ACBD5: variants seen among roughly 807,000 people sequenced by gnomAD.
ACBD5 encodes acyl-CoA binding domain containing 5.
A neutral mutation model predicts 71.8 loss-of-function variants in ACBD5; 40 were observed. That is an observed-to-expected ratio of 0.56 (90% CI 0.43 to 0.72). The LOEUF (loss-of-function observed/expected upper bound fraction) is 0.72. Ranked by LOEUF, ACBD5 falls within the 30% of genes least tolerant of loss-of-function variation. The pLI is 0.00. For synonymous variants in ACBD5, 229 were observed against 218.6 expected (o/e 1.05, Z -0.42); for missense variants, 559 against 644.5 (o/e 0.87, Z 1.44).
At chr10:27,189,180 T>C (rs918310278) in intron 13 of ACBD5, among the ~76,000 whole-genome samples, 1 of 152,234 alleles carries the variant, frequency 6.6e-6, no homozygotes, top group Non-Finnish European at 1.5e-5. Flanking sequence ...CTTGGAAGCC[T>C]AAAACCACTT....
chr10:27,196,199 T>TAA lies in ACBD5; in HGVS notation c.*1229_*1230dup. 1 of 421,952 alleles carries TAA rather than the reference T, an allele frequency of 2.4e-6. No individual in the cohort carries two copies. The allele number at this position is 421,952 out of a possible 1,614,324, so 26.1% of individuals were successfully genotyped here. ...TGGGCAACAAGAGAGAAACTCCATT[T>TAA]AAAAAAAAAAATTATTTGTTACAAA... On this transcript the variant is annotated 3_prime_UTR_variant, in exon 13 of 13. Coordinates refer to ENST00000396271, the MANE Select transcript of ACBD5 (RefSeq NM_145698.5).
chr10:27,215,212 T>C (rs1427197882), intron 8 of ACBD5, among the ~76,000 whole-genome samples: 2 of 152,026 alleles, frequency 1.3e-5, no homozygotes, highest in Non-Finnish European at 2.9e-5. Context: ...TTCCTGAACA[T>C]TAATAAATGT....
chr10:27,235,606 GAA>G (rs2064557923), intron 2 of ACBD5, among the ~76,000 whole-genome samples: 1 of 152,170 alleles, frequency 6.6e-6, no homozygotes, highest in South Asian at 2.1e-4. Flanking sequence ...TAGTGTAAGT[GAA>G]AAAGTTATAT....
chr10:27,214,253 AC>A (rs2061400842), intron 8 of ACBD5, among the ~76,000 whole-genome samples: 1 of 152,224 alleles, frequency 6.6e-6, no homozygotes, highest in Admixed American at 6.6e-5. Flanking sequence ...TGTTTGGAAC[AC>A]AAAGAAATGA....
rs1231515504 is a variant in ACBD5 at position 27,240,690 on chromosome 10, T to C, written c.-2A>G. The C allele has an allele frequency of 1.9e-6, 3 of 1,550,050 alleles. No homozygotes were observed. Among genetic ancestry groups the C allele is most frequent in the Non-Finnish European group, 2.6e-6 (3 of 1,146,858 alleles). ...ACAACTCACCGAGAGGAAGAGCATGTCTAGCAGAAGACAGAGGGGGTCCGG... is the reference window on the plus strand; with the variant it reads ...ACAACTCACCGAGAGGAAGAGCATGCCTAGCAGAAGACAGAGGGGGTCCGG... On this transcript the variant is annotated 5_prime_UTR_variant, in exon 1 of 13. Transcript: ENST00000396271. This position sits in a 1 kb window ranked among gnomAD's most constrained non-coding sequence, Gnocchi z 4.1.
chr10:27,220,188 A>G (rs2062162706), intron 5 of ACBD5, among the ~76,000 whole-genome samples: 1 of 152,190 alleles, frequency 6.6e-6, no homozygotes, highest in South Asian at 2.1e-4. Flanking sequence ...ATATGCTAGG[A>G]TGCTGAAAAC....
rs567803008 is a variant in ACBD5 at position 27,228,964 on chromosome 10, G to A, written c.375+2784C>T. ...CTCCCGAGTAGCTGGGATTACAGGC[G>A]TATGCCACTACGCCAGGCTAATTTT... On this transcript the variant is annotated intron_variant, in intron 4 of 12. Coordinates refer to ENST00000396271, the MANE Select transcript of ACBD5 (RefSeq NM_145698.5). Among the ~76,000 whole-genome samples the A allele has an allele frequency of 3.3e-5, 5 of 149,966 alleles. 1 individual carries two copies. Among genetic ancestry groups the A allele is most frequent in the African/African-American group, 9.7e-5 (4 of 41,110 alleles).
At chr10:27,224,192 C>T (rs2062721184) in intron 4 of ACBD5, among the ~76,000 whole-genome samples, 1 of 141,390 alleles carries the variant, frequency 7.1e-6, no homozygotes, top group South Asian at 2.4e-4. Flanking sequence ...ATAGTAAGGG[C>T]CCATTTCTAC....
intron 3 of ACBD5, among the ~76,000 whole-genome samples, chr10:27,233,769 G>C (rs1052769205): frequency 2.0e-5 from 3 of 152,144 alleles, no homozygotes; most frequent in East Asian, 1.9e-4. Flanking sequence ...GGGCGGGAGC[G>C]GGGGGTGGCT....
intron 6 of ACBD5, among the ~76,000 whole-genome samples, chr10:27,218,402 G>C (rs1171215564): frequency 6.6e-6 from 1 of 152,136 alleles, no homozygotes. Context: ...TCAGTTCCCT[G>C]TCAATCTTCT....
At position 27,223,322 on chromosome 10, in the gene ACBD5, G is replaced by T; in HGVS notation, c.490+16C>A. The T allele has an allele frequency of 6.4e-7, 1 of 1,562,452 alleles. No individual in the cohort carries two copies. The highest frequency in any genetic ancestry group is 8.8e-7 in the Non-Finnish European group (1 of 1,133,024). On this transcript the variant is annotated intron_variant, in intron 5 of 12. Coordinates refer to ENST00000396271, the MANE Select transcript of ACBD5 (RefSeq NM_145698.5). Reference sequence around the variant, plus strand: ...ATATCAGTTGATGAATTTAAAAATAGGTAAAATAGTCCAACCTGAGGTTAT... The same window carrying T: ...ATATCAGTTGATGAATTTAAAAATATGTAAAATAGTCCAACCTGAGGTTAT...
At position 27,219,750 on chromosome 10, in the gene ACBD5, C is replaced by T; in HGVS notation, c.598G>A (p.Val200Met). 1 of 1,614,066 alleles carries T rather than the reference C, an allele frequency of 6.2e-7. No homozygotes were observed. Among genetic ancestry groups the T allele is most frequent in the African/African-American group, 1.3e-5 (1 of 75,056 alleles). ...ESEEEEAQEE[V>M]KGAEQSDNDK... ...TTATCACTTTGTTCTGCTCCTTTCA[C>T]TTCTTCTTGGGCCTCTTCTTCCTCA... is the stretch of plus-strand genomic sequence containing the variant. Residue 200 changes from valine to methionine, a missense_variant, in exon 6 of 13, where the codon GTG becomes ATG. Val to Met is a conservative substitution (Grantham distance 21). Coordinates refer to ENST00000396271, the MANE Select transcript of ACBD5 (RefSeq NM_145698.5).
intron 9 of ACBD5, among the ~76,000 whole-genome samples, chr10:27,209,667 T>C (rs2060857714): frequency 6.6e-6 from 1 of 152,196 alleles, no homozygotes; most frequent in Non-Finnish European, 1.5e-5. Context: ...AAATTGTGTG[T>C]TCCTTATAGA....
intron 10 of ACBD5, among the ~76,000 whole-genome samples, chr10:27,207,786 G>A (rs2060625899): frequency 6.6e-6 from 1 of 152,082 alleles, no homozygotes; most frequent in African/African-American, 2.4e-5. Context: ...CCAGGCTGGC[G>A]TGTAGTAGTG....
intron 10 of ACBD5, among the ~76,000 whole-genome samples, chr10:27,206,930 G>T: frequency 6.6e-6 from 1 of 152,068 alleles, no homozygotes; most frequent in Non-Finnish European, 1.5e-5. Context: ...TAGTATTTTA[G>T]GGTGTTCATG....
At chr10:27,242,055 T>C (rs1341825028), upstream of ACBD5, 1 of 453,696 alleles carries the variant, frequency 2.2e-6, no homozygotes, top group Admixed American at 2.3e-5. Context: ...GCGCCGGCAT[T>C]TACCTTGGTA....
intron 3 of ACBD5, 72 bp downstream of exon 3, chr10:27,235,020 C>G: frequency 6.9e-7 from 1 of 1,454,776 alleles, no homozygotes; most frequent in Non-Finnish European, 9.6e-7. Flanking sequence ...TATATAACCA[C>G]TTAAGTAATA....
intron 13 of ACBD5, among the ~76,000 whole-genome samples, chr10:27,188,919 A>G (rs1213303273): frequency 2.0e-5 from 3 of 152,200 alleles, no homozygotes; most frequent in Admixed American, 2.0e-4. Context: ...GGAAATCAGA[A>G]CATATCATCC....
At chr10:27,228,807 A>AT (rs1564691136) in intron 4 of ACBD5, among the ~76,000 whole-genome samples, 4 of 6,812 alleles carry the variant, frequency 5.9e-4, no homozygotes, top group Non-Finnish European at 2.1e-3. Flanking sequence ...ATATATATAT[A>AT]TATATATATT....
Sources: gnomAD v4.1 joint callset for allele counts (sites outside exome capture counted in the v4.1 genomes callset) on GRCh38, gnomAD v4.1.1 for gene constraint, Gnocchi (gnomAD v3.1) non-coding constraint, MANE v1.5 for transcripts, NCBI Gene and HGNC (gene_info 2026-07-23, HGNC 2026-07-21) for gene names.